Variants in COL7A1 observed in about 807,000 individuals in gnomAD.
COL7A1 encodes collagen type VII alpha 1 chain.
COL7A1 carries 296 observed loss-of-function variants against 456.2 expected under a neutral mutation model. The observed-to-expected ratio is 0.65, with a 90% confidence interval of 0.59 to 0.71. COL7A1 has a LOEUF of 0.71. Among genes scored for constraint, COL7A1 ranks in the 30% least tolerant of loss-of-function variants. COL7A1 has a pLI of 0.00. For missense variants in COL7A1, 3,441 were observed against 4,017.2 expected (o/e 0.86, Z 3.88); for synonymous variants, 1,464 against 1,525.9 (o/e 0.96, Z 0.95).
In COL7A1 at chr3:48,568,859, T is replaced by C; in HGVS notation, c.7687-4A>G. 1 of 1,572,528 alleles carries C rather than the reference T, an allele frequency of 6.4e-7. No homozygotes were observed. The highest frequency in any genetic ancestry group is 8.6e-7 in the Non-Finnish European group (1 of 1,157,560). ...CACCAGGCTCTCCCTTGCTGCCCTG[T>C]GGGAGTGACCAGGAGAGGGATTCAG... On this transcript the variant is annotated splice_region_variant and splice_polypyrimidine_tract_variant and intron_variant, in intron 103 of 118. Transcript: ENST00000681320. This position sits in a 1 kb window ranked among gnomAD's most constrained non-coding sequence, Gnocchi z 5.2.
chr3:48,582,213 G>T, intron 47 of COL7A1, 110 bp downstream of exon 47: 1 of 1,582,778 alleles, frequency 6.3e-7, no homozygotes, highest in Non-Finnish European at 8.7e-7. Flanking sequence ...AGAGCTCCCA[G>T]CCTGCTCACG....
In COL7A1 at chr3:48,575,235, C is replaced by T. The variant is rs2229825; in HGVS notation, c.6188G>A (p.Arg2063Gln). 235 of 1,614,038 alleles carry T rather than the reference C, an allele frequency of 1.5e-4. 2 individuals are homozygous for T. The South Asian group carries it at 2.2e-3, about 15-fold the overall frequency. ...TTCTCCACGTTCTCCTTTCTCTCCC[C>T]GTTCTCCCTGAAATGCAAATAGCGG... The part of the protein sequence containing the change: ...EAGRPGERGE[R>Q]GEKGERGEQG... Residue 2063 changes from arginine (R) to glutamine (Q), a missense_variant, in exon 75 of 119, where the codon CGG (arginine) becomes CAG (glutamine). Arg to Gln is a conservative substitution (Grantham distance 43). Around this residue, in one of 3 missense-constraint regions of COL7A1, gnomAD observed 2,084 missense variants for 2,501.3 expected, o/e 0.83. Coordinates refer to ENST00000681320, the MANE Select transcript of COL7A1 (RefSeq NM_000094.4). The surrounding 1 kb of genome is among the most constrained non-coding windows in gnomAD (Gnocchi z 6.3).
chr3:48,587,243 G>A lies in COL7A1; in HGVS notation c.3086C>T (p.Thr1029Met), dbSNP rs376090628. The A allele has an allele frequency of 7.6e-5, 122 of 1,613,236 alleles. 1 individual carries two copies. Among genetic ancestry groups the A allele is most frequent in the African/African-American group, 7.3e-4 (55 of 74,904 alleles). Residue 1029 changes from threonine (T) to methionine (M), a missense_variant, in exon 24 of 119, where the codon ACG becomes ATG. By Grantham distance (81) the Thr-to-Met change is moderately conservative. This residue lies in a region of COL7A1 where 444 missense variants were observed against 427.6 expected (regional missense o/e 1.04). Transcript: ENST00000681320. This position sits in a 1 kb window ranked among gnomAD's most constrained non-coding sequence, Gnocchi z 6.1. ...ACCCCGCACACCATCCAGGACAGGC[G>A]TCAGGGAGAAGATGTAAGAGACGCC... ...EPGVSYIFSL[T>M]PVLDGVRGPE... is the part of the protein sequence containing the mutation.
In COL7A1 at chr3:48,593,699, G is replaced by T; in HGVS notation, c.267-3C>A. 2 of 1,614,208 alleles carry T rather than the reference G, an allele frequency of 1.2e-6. No homozygotes were observed. The highest frequency in any genetic ancestry group is 1.7e-6 in the Non-Finnish European group (2 of 1,180,018). On this transcript the variant is annotated splice_polypyrimidine_tract_variant and splice_region_variant and intron_variant, in intron 3 of 118. Transcript: ENST00000681320. This position sits in a 1 kb window ranked among gnomAD's most constrained non-coding sequence, Gnocchi z 4.4. Reference sequence around the variant, plus strand: ...GTGCATCCAGGCCGAACTCTGTCCTGTTGGAGGGTAGGGGTGGCAACAGGC... The same window carrying T: ...GTGCATCCAGGCCGAACTCTGTCCTTTTGGAGGGTAGGGGTGGCAACAGGC...
rs911232611 is a variant in COL7A1, at chr3:48,588,503, A to G, written c.2588-99T>C. On this transcript the variant is annotated intron_variant, in intron 20 of 118. Coordinates refer to ENST00000681320, the MANE Select transcript of COL7A1 (RefSeq NM_000094.4). This position sits in a 1 kb window ranked among gnomAD's most constrained non-coding sequence, Gnocchi z 4.6. The stretch of plus-strand genomic sequence containing the variant: ...ACACGCACCCCGCCCAGCCTCTCAG[A>G]CCCCTCTCCCTCCTCTCAGACCCTG... The G allele has an allele frequency of 1.5e-5, 24 of 1,588,092 alleles. No individual in the cohort carries two copies. In the African/African-American group the frequency reaches 3.0e-4, roughly 20 times the overall value.
rs762676990 is a variant in COL7A1, at chr3:48,591,438, G to T, written c.1636+26C>A. On this transcript the variant is annotated intron_variant, in intron 13 of 118. Transcript: ENST00000681320. The surrounding 1 kb of genome is among the most constrained non-coding windows in gnomAD (Gnocchi z 7.0). ...AGGCTGGAACTTCAGTGTGTGTGGTGGGGGTGCTGGCTGCGTCCACCTCAC... is the reference window on the plus strand; with the variant it reads ...AGGCTGGAACTTCAGTGTGTGTGGTTGGGGTGCTGGCTGCGTCCACCTCAC... The T allele has an allele frequency of 6.2e-7, 1 of 1,611,534 alleles. No homozygotes were observed. The highest frequency in any genetic ancestry group is 1.3e-5 in the African/African-American group (1 of 74,822).
rs201481305 is a variant in COL7A1, at chr3:48,567,217, C to T, written c.8047-27G>A. The stretch of plus-strand genomic sequence containing the variant: ...TGGGAACAGAAGAAGCATGAGAGAC[C>T]TTCTGCCCTGACCTCCCTCAGCTCT... On this transcript the variant is annotated intron_variant, in intron 109 of 118. Transcript: ENST00000681320. The surrounding 1 kb of genome is among the most constrained non-coding windows in gnomAD (Gnocchi z 4.3). The T allele has an allele frequency of 2.6e-4, 419 of 1,613,290 alleles. No individual in the cohort carries two copies. Among genetic ancestry groups the T allele is most frequent in the Non-Finnish European group, 3.2e-4 (382 of 1,179,870 alleles).
Position 48,576,334 on chromosome 3 carries a change from T to G in COL7A1, c.5773-38A>C, listed in dbSNP as rs370889585. 7 of 1,613,810 alleles carry G rather than the reference T, an allele frequency of 4.3e-6. No homozygotes were observed. In the African/African-American group the frequency reaches 9.3e-5, roughly 22 times the overall value. On this transcript the variant is annotated intron_variant, in intron 70 of 118. Transcript: ENST00000681320. Reference sequence around the variant, plus strand: ...AGACAAACTGCTAGGAACCAGCCTATGGGTGTGCATGTGCACATGTGGGTG... The same window carrying G: ...AGACAAACTGCTAGGAACCAGCCTAGGGGTGTGCATGTGCACATGTGGGTG...
chr3:48,572,062 G>A lies in COL7A1; in HGVS notation c.7024-17C>T, dbSNP rs1001275714. 15 of 1,612,700 alleles carry A rather than the reference G, an allele frequency of 9.3e-6. No individual in the cohort carries two copies. The highest frequency in any genetic ancestry group is 1.1e-5 in the Non-Finnish European group (13 of 1,179,526). On this transcript the variant is annotated splice_polypyrimidine_tract_variant and intron_variant, in intron 91 of 118. Coordinates refer to ENST00000681320, the MANE Select transcript of COL7A1 (RefSeq NM_000094.4). The surrounding 1 kb of genome is among the most constrained non-coding windows in gnomAD (Gnocchi z 4.6). ...AGCTTCACCCTGCACAGAATGGCAG[G>A]TGAGGGGTGTCTGGACTGAGCCTTC...
chr3:48,588,643 CGTAGTGACAACAA>C lies in COL7A1; in HGVS notation c.2573_2585del (p.Ile858SerfsTer22). 6.2e-7 allele frequency: 1 copy of C among 1,613,842 alleles called. No homozygotes were observed. The highest frequency in any genetic ancestry group is 8.5e-7 in the Non-Finnish European group (1 of 1,180,036). ...CTCTCCAGCGCATGCTCTGCCTACG[CGTAGTGACAACAA>C]TGGAGACAGGTGTGCCCTCGCGGTC... On this transcript the variant is annotated frameshift_variant and splice_region_variant, in exon 20 of 119. Transcript: ENST00000681320. LOFTEE classifies it high-confidence loss of function. The surrounding 1 kb of genome is among the most constrained non-coding windows in gnomAD (Gnocchi z 4.6).
rs141949156 is a variant in COL7A1, at chr3:48,587,888, A to T, written c.2762T>A (p.Leu921Gln). The part of the protein sequence containing the change: ...VLGPELSSYH[L>Q]DGLEPATQYR... ...CTGTGTCGCTGGCTCCAGCCCGTCC[A>T]GGTGATAGCTGCTGAGCTCGGGCCC... Residue 921 changes from leucine to glutamine, a missense_variant, in exon 22 of 119, where the codon CTG becomes CAG. This residue lies in a region of COL7A1 where 444 missense variants were observed against 427.6 expected (regional missense o/e 1.04). Coordinates refer to ENST00000681320, the MANE Select transcript of COL7A1 (RefSeq NM_000094.4). This position sits in a 1 kb window ranked among gnomAD's most constrained non-coding sequence, Gnocchi z 6.1. 1.9e-6 allele frequency: 3 copies of T among 1,611,016 alleles called. No individual in the cohort carries two copies. In the African/African-American group the frequency reaches 4.0e-5, roughly 22 times the overall value.
At chr3:48,582,253 T>C (rs1300232868) in intron 47 of COL7A1, 70 bp downstream of exon 47, 4 of 1,610,936 alleles carry the variant, frequency 2.5e-6, no homozygotes, top group South Asian at 1.1e-5. Flanking sequence ...ACAGCCCAGA[T>C]AGTGTTCTAT....
rs764852010 is a variant in COL7A1, at chr3:48,573,380, G to C, written c.6619-32C>G. The C allele has an allele frequency of 1.9e-6, 3 of 1,614,038 alleles. No individual in the cohort carries two copies. In the South Asian group the frequency reaches 3.3e-5, roughly 18 times the overall value. On this transcript the variant is annotated intron_variant, in intron 83 of 118. Transcript: ENST00000681320. The surrounding 1 kb of genome is among the most constrained non-coding windows in gnomAD (Gnocchi z 5.5). ...ACAACCCAGAGACTGCATGAGCAGA[G>C]CCCACGTGGCCAGGGCTCCTGGAGC...
In COL7A1 at chr3:48,569,023, CA is replaced by C. The variant is rs1281246794; in HGVS notation, c.7687-169del. Among the ~76,000 whole-genome samples the C allele has an allele frequency of 6.6e-6, 1 of 152,152 alleles. No individual in the cohort carries two copies. Among genetic ancestry groups the C allele is most frequent in the Non-Finnish European group, 1.5e-5 (1 of 68,006 alleles). On this transcript the variant is annotated intron_variant, in intron 103 of 118. Transcript: ENST00000681320. The surrounding 1 kb of genome is among the most constrained non-coding windows in gnomAD (Gnocchi z 4.9). ...GGGTGGAACTGGGGGCTGTAGTCCA[CA>C]GACTGGCTCATTTCTCACCCCAAGG...
chr3:48,576,604 C>T (rs1341476239), intron 68 of COL7A1, 47 bp from the exon 69 acceptor site: 17 of 1,595,244 alleles, frequency 1.1e-5, no homozygotes, highest in Non-Finnish European at 1.4e-5. Context: ...CCATGGCTTC[C>T]CAGGAGGGTT....
At chr3:48,584,674 G>A (rs1481011285) in intron 35 of COL7A1, 60 bp downstream of exon 35, 193 of 1,613,354 alleles carry the variant, frequency 1.2e-4, no homozygotes, top group Non-Finnish European at 1.6e-4. Flanking sequence ...AGGGTCTGGT[G>A]TGGGGCAGTC....
In COL7A1 at chr3:48,568,732, G is replaced by A; in HGVS notation, c.7758+52C>T. The A allele has an allele frequency of 6.5e-7, 1 of 1,535,968 alleles. No individual in the cohort carries two copies. The highest frequency in any genetic ancestry group is 1.2e-5 in the South Asian group (1 of 83,884). ...GAGGACCCCCAGGATATGTGTGTGTGTGATGCTGGCTCTGGACCTGGGCCT... is the reference window on the plus strand; with the variant it reads ...GAGGACCCCCAGGATATGTGTGTGTATGATGCTGGCTCTGGACCTGGGCCT... On this transcript the variant is annotated intron_variant, in intron 104 of 118. Coordinates refer to ENST00000681320, the MANE Select transcript of COL7A1 (RefSeq NM_000094.4). This position sits in a 1 kb window ranked among gnomAD's most constrained non-coding sequence, Gnocchi z 5.2.
At position 48,571,399 on chromosome 3, in the gene COL7A1, A is replaced by G. The variant is rs1560204930; in HGVS notation, c.7069-121T>C. ...ACCATGAACACATGGGAACTCAGACATGCGACCAAGAATTGGCTCACAGGA... is the reference window on the plus strand; with the variant it reads ...ACCATGAACACATGGGAACTCAGACGTGCGACCAAGAATTGGCTCACAGGA... On this transcript the variant is annotated intron_variant, in intron 92 of 118. Coordinates refer to ENST00000681320, the MANE Select transcript of COL7A1 (RefSeq NM_000094.4). This position sits in a 1 kb window ranked among gnomAD's most constrained non-coding sequence, Gnocchi z 4.6. 3 of 1,273,194 alleles carry G rather than the reference A, an allele frequency of 2.4e-6. No homozygotes were observed. The highest frequency in any genetic ancestry group is 1.9e-5 in the Admixed American group (1 of 52,782). The allele number at this position is 1,273,194 out of a possible 1,614,324, so 78.9% of individuals were successfully genotyped here.
Position 48,570,874 on chromosome 3 carries a change from G to C in COL7A1, c.7259C>G (p.Pro2420Arg). The C allele has an allele frequency of 6.2e-7, 1 of 1,612,326 alleles. No homozygotes were observed. The highest frequency in any genetic ancestry group is 2.2e-5 in the East Asian group (1 of 44,846). Reference sequence around the variant, plus strand: ...CCAGCCCCTCACCCGCTCTCCACTAGGGCCTGGCTGACCCATCTCTCCTCG... The same window carrying C: ...CCAGCCCCTCACCCGCTCTCCACTACGGCCTGGCTGACCCATCTCTCCTCG... ...GPRGEMGQPG[P>R]SGERGLAGPP... The change falls in exon 95 of 119, where the codon CCT (proline) becomes CGT (arginine). Residue 2420 changes from proline to arginine, a missense_variant. Physicochemically the swap from Pro to Arg is moderately radical, Grantham distance 103. This residue lies in a region of COL7A1 where 2,084 missense variants were observed against 2,501.3 expected (regional missense o/e 0.83). Coordinates refer to ENST00000681320, the MANE Select transcript of COL7A1 (RefSeq NM_000094.4). The surrounding 1 kb of genome is among the most constrained non-coding windows in gnomAD (Gnocchi z 5.5).
Sources: gnomAD v4.1 joint callset for allele counts (sites outside exome capture counted in the v4.1 genomes callset) on GRCh38, gnomAD v4.1.1 for gene constraint, gnomAD v4.1.1 regional missense constraint, Gnocchi (gnomAD v3.1) non-coding constraint, MANE v1.5 for transcripts, NCBI Gene and HGNC (gene_info 2026-07-23, HGNC 2026-07-21) for gene names.